Variants in FUT7 observed in about 807,000 individuals in gnomAD.
FUT7 encodes the protein alpha-(1,3)-fucosyltransferase 7.
A neutral mutation model predicts 5.0 loss-of-function variants in FUT7; 2 were observed. That is an observed-to-expected ratio of 0.40 (90% CI 0.16 to 1.26). The LOEUF is 1.26. FUT7 is among the 50% of genes most tolerant of loss of function. The pLI, the probability that FUT7 is intolerant of heterozygous loss-of-function variation, is 0.32. For missense variants in FUT7, 461 were observed against 489.8 expected (o/e 0.94, Z 0.55); for synonymous variants, 218 against 210.6 (o/e 1.03, Z -0.30).
chr9:137,030,921 T>G lies in FUT7; in HGVS notation c.818A>C (p.His273Pro). The change falls in exon 2 of 2, where the codon CAT (histidine) becomes CCT (proline). Residue 273 changes from histidine (H) to proline (P), a missense_variant. Coordinates refer to ENST00000314412, the MANE Select transcript of FUT7 (RefSeq NM_004479.4). ...EAFVPADAFV[H>P]VDDFGSAREL... ...TCGGGCTGAGCCAAAGTCATCCACA[T>G]GCACGAAGGCGTCAGCCGGCACGAA... The G allele has an allele frequency of 6.2e-7, 1 of 1,612,788 alleles. No homozygotes were observed. Among genetic ancestry groups the G allele is most frequent in the Non-Finnish European group, 8.5e-7 (1 of 1,180,000 alleles).
Position 137,030,636 on chromosome 9 carries a change from G to C in FUT7, c.*74C>G. On this transcript the variant is annotated 3_prime_UTR_variant, in exon 2 of 2. Coordinates refer to ENST00000314412, the MANE Select transcript of FUT7 (RefSeq NM_004479.4). Reference sequence around the variant, plus strand: ...CCGTTAGCCCGCTGCTTGCCGGTAAGGGCCGGATGCCTGGTGGTTTGATTT... The same window carrying C: ...CCGTTAGCCCGCTGCTTGCCGGTAACGGCCGGATGCCTGGTGGTTTGATTT... 1 of 1,565,448 alleles carries C rather than the reference G, an allele frequency of 6.4e-7. No individual in the cohort carries two copies. Among genetic ancestry groups the C allele is most frequent in the Non-Finnish European group, 8.7e-7 (1 of 1,146,176 alleles).
rs781037885 is a variant in FUT7 at position 137,032,076 on chromosome 9, T to A, written c.-85A>T. 2.6e-5 allele frequency: 37 copies of A among 1,424,784 alleles called. No individual in the cohort carries two copies. The highest frequency in any genetic ancestry group is 3.6e-5 in the Non-Finnish European group (36 of 1,009,076). 88.3% of individuals were successfully genotyped at this position (1,424,784 alleles called of 1,614,324 possible). A position where few individuals can be genotyped will look rare whatever the true frequency, so the allele number is the denominator to read the frequency against. ...CCAGAGGTGCCCCTGAAATCACAGC[T>A]ACGCCCTAGCTCAGCCCCGCCTGGA... On this transcript the variant is annotated 5_prime_UTR_variant, in exon 1 of 2. Transcript: ENST00000314412.
rs1223870346 is a variant in FUT7, at chr9:137,031,584, C to T, written c.155G>A (p.Trp52Ter). 1.3e-6 allele frequency: 2 copies of T among 1,569,484 alleles called. No homozygotes were observed. Among genetic ancestry groups the T allele is most frequent in the Non-Finnish European group, 1.7e-6 (2 of 1,158,918 alleles). ...APQPTITILV[W>*]HWPFTDQPPE... The stretch of plus-strand genomic sequence containing the variant: ...GGGCTGGTCAGTGAAGGGCCAGTGC[C>T]AGACAAGGATGGTGATCGTGGGCTG... The change falls in exon 2 of 2, where the codon TGG (tryptophan) becomes TAG (stop). Residue 52 changes from tryptophan (W) to a stop codon, truncating the protein, a stop_gained. Coordinates refer to ENST00000314412, the MANE Select transcript of FUT7 (RefSeq NM_004479.4). LOFTEE classifies it low-confidence loss of function (END_TRUNC).
chr9:137,030,240 C>G lies in FUT7; in HGVS notation c.*470G>C. 4.6e-6 allele frequency: 1 copy of G among 215,370 alleles called. No individual in the cohort carries two copies. The highest frequency in any genetic ancestry group is 9.6e-6 in the Non-Finnish European group (1 of 104,622). 13.3% of individuals were successfully genotyped at this position (215,370 alleles called of 1,614,324 possible). Reference sequence around the variant, plus strand: ...GCCCAGAACAAGCTGGTTTGCTCCCCGTGGTCTCCTGGGCCCCGCCCCAGC... The same window carrying G: ...GCCCAGAACAAGCTGGTTTGCTCCCGGTGGTCTCCTGGGCCCCGCCCCAGC... On this transcript the variant is annotated 3_prime_UTR_variant, in exon 2 of 2. Coordinates refer to ENST00000314412, the MANE Select transcript of FUT7 (RefSeq NM_004479.4).
Position 137,032,056 on chromosome 9 carries a change from G to A in FUT7, c.-65C>T. 5.1e-6 allele frequency: 8 copies of A among 1,564,948 alleles called. No individual in the cohort carries two copies. Among genetic ancestry groups the A allele is most frequent in the Non-Finnish European group, 6.2e-6 (7 of 1,136,336 alleles). Reference sequence around the variant, plus strand: ...TTCTCAAATCACGGCAGCCGCCAGAGGTGCCCCTGAAATCACAGCTACGCC... The same window carrying A: ...TTCTCAAATCACGGCAGCCGCCAGAAGTGCCCCTGAAATCACAGCTACGCC... On this transcript the variant is annotated 5_prime_UTR_variant, in exon 1 of 2. Coordinates refer to ENST00000314412, the MANE Select transcript of FUT7 (RefSeq NM_004479.4).
Position 137,031,293 on chromosome 9 carries a change from A to G in FUT7, c.446T>C (p.Ile149Thr). 6.2e-7 allele frequency: 1 copy of G among 1,607,698 alleles called. No individual in the cohort carries two copies. The highest frequency in any genetic ancestry group is 8.5e-7 in the Non-Finnish European group (1 of 1,178,388). The change falls in exon 2 of 2, where the codon ATC (isoleucine) becomes ACC (threonine). Residue 149 changes from isoleucine to threonine, a missense_variant. Physicochemically the swap from Ile to Thr is moderately conservative, Grantham distance 89. Coordinates refer to ENST00000314412, the MANE Select transcript of FUT7 (RefSeq NM_004479.4). ...WVLSYRRDSD[I>T]FVPYGRLEPH... ...CTCCAGGCGGCCATAGGGCACAAAG[A>G]TGTCCGAGTCGCGCCGGTAGCTCAG... is the stretch of plus-strand genomic sequence containing the variant.
rs1377539806 is a variant in FUT7 at position 137,031,689 on chromosome 9, AC to A, written c.49del (p.Val17SerfsTer62). The A allele has an allele frequency of 6.5e-7, 1 of 1,549,408 alleles. No homozygotes were observed. Among genetic ancestry groups the A allele is most frequent in the South Asian group, 1.2e-5 (1 of 84,156 alleles). On this transcript the variant is annotated frameshift_variant, in exon 2 of 2. Transcript: ENST00000314412. LOFTEE classifies it low-confidence loss of function (END_TRUNC). Reference sequence around the variant, plus strand: ...AGCGAGCAGAGCCACCCCGGCCAGGACCCCCAAGCCTCGCAGCCTCCGGGTG... The same window carrying A: ...AGCGAGCAGAGCCACCCCGGCCAGGACCCCAAGCCTCGCAGCCTCCGGGTG... ...GPTRRLRGLGVLAGVALLAAL... is the reference protein window; with the variant it reads ...GPTRRLRGLGXLAGVALLAAL...
Position 137,031,702 on chromosome 9 carries a change from G to A in FUT7, c.37C>T (p.Arg13Ter), listed in dbSNP as rs1200037761. 11 of 1,547,164 alleles carry A rather than the reference G, an allele frequency of 7.1e-6. No individual in the cohort carries two copies. Among genetic ancestry groups the A allele is most frequent in the Middle Eastern group, 2.2e-4 (1 of 4,516 alleles). ...NAGHGPTRRL[R>*]GLGVLAGVAL... The stretch of plus-strand genomic sequence containing the variant: ...ACCCCGGCCAGGACCCCCAAGCCTC[G>A]CAGCCTCCGGGTGGGGCCGTGCCCT... Residue 13 changes from arginine (R) to a stop codon, truncating the protein, a stop_gained, in exon 2 of 2, where the codon CGA becomes TGA. Coordinates refer to ENST00000314412, the MANE Select transcript of FUT7 (RefSeq NM_004479.4). LOFTEE classifies it low-confidence loss of function (END_TRUNC).
intron 1 of FUT7, 68 bp downstream of exon 1, chr9:137,031,911 C>T (rs1426948179): frequency 6.3e-7 from 1 of 1,576,058 alleles, no homozygotes; most frequent in Non-Finnish European, 8.7e-7. Context: ...TCAGCGCCAC[C>T]CCCGTCCTCC....
rs933393906 is a variant in FUT7, at chr9:137,031,619, G to A, written c.120C>T (p.Thr40=). The A allele has an allele frequency of 1.4e-5, 22 of 1,559,616 alleles. No homozygotes were observed. In the African/African-American group the frequency reaches 2.3e-4, roughly 16 times the overall value. Residue 40 remains threonine (T), a synonymous_variant, in exon 2 of 2, where the codon ACC becomes ACT. Transcript: ENST00000314412. The part of the protein sequence containing the change: ...LWLLGSAPRG[T]PAPQPTITIL... ...TGGTGATCGTGGGCTGGGGTGCCGG[G>A]GTACCCCGAGGGGCTGACCCCAGCA...
At position 137,031,563 on chromosome 9, in the gene FUT7, T is replaced by C. The variant is rs1279882507; in HGVS notation, c.176A>G (p.Gln59Arg). The C allele has an allele frequency of 6.4e-7, 1 of 1,567,656 alleles. No homozygotes were observed. The highest frequency in any genetic ancestry group is 8.6e-7 in the Non-Finnish European group (1 of 1,157,792). ...GGTGTCGCTGGGCAGCTCTGGGGGC[T>C]GGTCAGTGAAGGGCCAGTGCCAGAC... ...ILVWHWPFTDQPPELPSDTCT... is the reference protein window; with the variant it reads ...ILVWHWPFTDRPPELPSDTCT... The change falls in exon 2 of 2, where the codon CAG becomes CGG. Residue 59 changes from glutamine to arginine, a missense_variant. Gln to Arg is a conservative substitution (Grantham distance 43, BLOSUM62 1). Coordinates refer to ENST00000314412, the MANE Select transcript of FUT7 (RefSeq NM_004479.4).
chr9:137,030,218 C>A lies in FUT7; in HGVS notation c.*492G>T. On this transcript the variant is annotated 3_prime_UTR_variant, in exon 2 of 2. Coordinates refer to ENST00000314412, the MANE Select transcript of FUT7 (RefSeq NM_004479.4). ...GTCCACCGCCCTCCCTCCCTGAGCC[C>A]AGAACAAGCTGGTTTGCTCCCCGTG... is the stretch of plus-strand genomic sequence containing the variant. 1 of 206,662 alleles carries A rather than the reference C, an allele frequency of 4.8e-6. No individual in the cohort carries two copies. Among genetic ancestry groups the A allele is most frequent in the Non-Finnish European group, 1.0e-5 (1 of 99,442 alleles). The allele number at this position is 206,662 out of a possible 1,614,324, so 12.8% of individuals were successfully genotyped here. A position where few individuals can be genotyped will look rare whatever the true frequency, so the allele number is the denominator to read the frequency against.
In FUT7 at chr9:137,031,993, C is replaced by T; in HGVS notation, c.-2G>A. The T allele has an allele frequency of 6.2e-7, 1 of 1,612,876 alleles. No individual in the cohort carries two copies. The highest frequency in any genetic ancestry group is 8.5e-7 in the Non-Finnish European group (1 of 1,179,942). The stretch of plus-strand genomic sequence containing the variant: ...CAGACACTCACCAGCATTATTCATC[C>T]ACAGTCTCCCAGGATCAGTCAGCCA... On this transcript the variant is annotated 5_prime_UTR_variant, in exon 1 of 2. Transcript: ENST00000314412.
chr9:137,031,193 C>G lies in FUT7; in HGVS notation c.546G>C (p.Glu182Asp). Reference sequence around the variant, plus strand: ...GGTACAGCCTGGCACGCAGCTGCCGCTCCTGGAAGTTGCTGACCACCCAGG... The same window carrying G: ...GGTACAGCCTGGCACGCAGCTGCCGGTCCTGGAAGTTGCTGACCACCCAGG... ...VAAWVVSNFQERQLRARLYRQ... is the reference protein window; with the variant it reads ...VAAWVVSNFQDRQLRARLYRQ... The change falls in exon 2 of 2, where the codon GAG (glutamate) becomes GAC (aspartate). Residue 182 changes from glutamate to aspartate, a missense_variant. Coordinates refer to ENST00000314412, the MANE Select transcript of FUT7 (RefSeq NM_004479.4). 6.2e-7 allele frequency: 1 copy of G among 1,610,112 alleles called. No individual in the cohort carries two copies. Among genetic ancestry groups the G allele is most frequent in the Non-Finnish European group, 8.5e-7 (1 of 1,178,548 alleles).
Position 137,031,561 on chromosome 9 carries a change from G to C in FUT7, c.178C>G (p.Pro60Ala). Residue 60 changes from proline to alanine, a missense_variant, in exon 2 of 2, where the codon CCC becomes GCC. Pro to Ala is a conservative substitution (Grantham distance 27). Coordinates refer to ENST00000314412, the MANE Select transcript of FUT7 (RefSeq NM_004479.4). The stretch of plus-strand genomic sequence containing the variant: ...CAGGTGTCGCTGGGCAGCTCTGGGG[G>C]CTGGTCAGTGAAGGGCCAGTGCCAG... Reference protein sequence around the residue: ...LVWHWPFTDQPPELPSDTCTR... With the variant: ...LVWHWPFTDQAPELPSDTCTR... 6.4e-7 allele frequency: 1 copy of C among 1,567,272 alleles called. No homozygotes were observed.
In FUT7 at chr9:137,031,301, G is replaced by C; in HGVS notation, c.438C>G (p.Asp146Glu). ...GGCCATAGGGCACAAAGATGTCCGA[G>C]TCGCGCCGGTAGCTCAGCACCCAGT... The part of the protein sequence containing the change: ...IFNWVLSYRR[D>E]SDIFVPYGRL... The change falls in exon 2 of 2, where the codon GAC becomes GAG. Residue 146 changes from aspartate (D) to glutamate (E), a missense_variant. Physicochemically the swap from Asp to Glu is conservative, Grantham distance 45. Coordinates refer to ENST00000314412, the MANE Select transcript of FUT7 (RefSeq NM_004479.4). The C allele has an allele frequency of 6.2e-7, 1 of 1,606,846 alleles. No homozygotes were observed.
intron 1 of FUT7, 51 bp from the exon 2 acceptor site, chr9:137,031,776 C>G: frequency 6.5e-7 from 1 of 1,532,950 alleles, no homozygotes; most frequent in Non-Finnish European, 8.8e-7. Flanking sequence ...TCAGGGACAT[C>G]CACACGCCCC....
At position 137,031,159 on chromosome 9, in the gene FUT7, CCAGCTGCCGGTACAGCCTGGCACG is replaced by C; in HGVS notation, c.556_579del (p.Arg186_Leu193del). 2 of 1,610,986 alleles carry C rather than the reference CCAGCTGCCGGTACAGCCTGGCACG, an allele frequency of 1.2e-6. No homozygotes were observed. The highest frequency in any genetic ancestry group is 1.7e-6 in the Non-Finnish European group (2 of 1,179,096). On this transcript the variant is annotated inframe_deletion, in exon 2 of 2. Transcript: ENST00000314412. ...AAGACATCCACCCGCAGATGAGGCG[CCAGCTGCCGGTACAGCCTGGCACG>C]CAGCTGCCGCTCCTGGAAGTTGCTG...
Position 137,031,329 on chromosome 9 carries a change from A to AGCTC in FUT7, c.409_410insGAGC (p.Phe137Ter). On this transcript the variant is annotated stop_gained and frameshift_variant, in exon 2 of 2. Coordinates refer to ENST00000314412, the MANE Select transcript of FUT7 (RefSeq NM_004479.4). LOFTEE classifies it low-confidence loss of function (END_TRUNC). ...GCGCCGGTAGCTCAGCACCCAGTTG[A>AGCTC]AGATGCCTCGGAGGTGGCTGAGGCC... 5.0e-6 allele frequency: 8 copies of AGCTC among 1,605,840 alleles called. No individual in the cohort carries two copies. The highest frequency in any genetic ancestry group is 6.8e-6 in the Non-Finnish European group (8 of 1,177,564).
Sources: allele counts gnomAD v4.1 joint callset, GRCh38; gene constraint gnomAD v4.1.1; transcripts MANE v1.5; gene names NCBI Gene and HGNC (gene_info 2026-07-23, HGNC 2026-07-21).